The following STK33 variants were observed in gnomAD, a reference collection of about 807,000 sequenced individuals.
STK33 encodes the protein serine/threonine kinase 33.
STK33 carries 52 observed loss-of-function variants against 58.0 expected under a neutral mutation model. The ratio of observed to expected loss-of-function variants is 0.90; its 90% CI spans 0.72 to 1.13. STK33 has a LOEUF of 1.13. STK33 is among the 50% of genes most tolerant of loss of function. STK33 has a pLI of 0.00. For missense variants in STK33, 630 were observed against 604.2 expected (o/e 1.04, Z -0.45); for synonymous variants, 215 against 200.1 (o/e 1.07, Z -0.63).
At chr11:8,502,763 T>C (rs1951613089) in intron 1 of STK33, among the ~76,000 whole-genome samples, 1 of 152,024 alleles carries the variant, frequency 6.6e-6, no homozygotes. Context: ...CCAGAATCTA[T>C]AAGGAACTTA....
chr11:8,458,877 A>G (rs187887805), intron 8 of STK33, among the ~76,000 whole-genome samples: 103 of 152,316 alleles, frequency 6.8e-4, no homozygotes, highest in Non-Finnish European at 1.2e-3. Context: ...TCTGTGTTCA[A>G]TCAGTAAGTA....
chr11:8,370,050 C>T, the STK33 span, among the ~76,000 whole-genome samples: 1 of 152,234 alleles, frequency 6.6e-6, no homozygotes, highest in East Asian at 1.9e-4. Context: ...GCTCCAGCTA[C>T]ACCAATGAAG....
the STK33 span, among the ~76,000 whole-genome samples, chr11:8,338,996 C>G: frequency 2.2e-4 from 34 of 152,276 alleles, no homozygotes; most frequent in African/African-American, 7.9e-4. Flanking sequence ...CCTTAGGCCC[C>G]GGCATCACTT....
At chr11:8,516,676 G>T (rs1952816122) in intron 1 of STK33, among the ~76,000 whole-genome samples, 1 of 152,254 alleles carries the variant, frequency 6.6e-6, no homozygotes, top group South Asian at 2.1e-4. Flanking sequence ...TGGCATACCA[G>T]GAGATTATAT....
intron 1 of STK33, among the ~76,000 whole-genome samples, chr11:8,593,140 T>C (rs550834714): frequency 3.9e-5 from 6 of 152,292 alleles, no homozygotes; most frequent in South Asian, 4.1e-4. Flanking sequence ...CCCATTGAGA[T>C]AGCAACAGAG....
chr11:8,483,878 T>C (rs1443798005), intron 1 of STK33, among the ~76,000 whole-genome samples: 4 of 152,162 alleles, frequency 2.6e-5, no homozygotes, highest in Non-Finnish European at 5.9e-5. Context: ...TATTAAGTTC[T>C]TTATTTTATA....
chr11:8,397,436 G>A (rs1308856459), intron 15 of STK33, among the ~76,000 whole-genome samples: 1 of 152,142 alleles, frequency 6.6e-6, no homozygotes, highest in Middle Eastern at 3.2e-3. Flanking sequence ...AAACAGAAAG[G>A]ACATCCACAC....
At chr11:8,386,065 G>A in the STK33 span, among the ~76,000 whole-genome samples, 7 of 152,192 alleles carry the variant, frequency 4.6e-5, no homozygotes, top group South Asian at 4.1e-4. Flanking sequence ...GAGCCACCGC[G>A]CCCGGCCAAT....
intron 1 of STK33, among the ~76,000 whole-genome samples, chr11:8,519,864 CA>C (rs916075863): frequency 6.6e-6 from 1 of 151,942 alleles, no homozygotes; most frequent in African/African-American, 2.4e-5. Flanking sequence ...GCCTACCAAC[CA>C]AAAAAAGTCC....
chr11:8,413,433 A>G (rs1590857533), intron 15 of STK33, 62 bp downstream of exon 15: 4 of 1,510,154 alleles, frequency 2.6e-6, no homozygotes, highest in Non-Finnish European at 3.6e-6. Context: ...TGCAAAAAAA[A>G]TGTTCCAGGT....
chr11:8,556,527 C>G (rs1189905071), intron 1 of STK33, among the ~76,000 whole-genome samples: 1 of 152,140 alleles, frequency 6.6e-6, no homozygotes, highest in East Asian at 1.9e-4. Flanking sequence ...GCCTGGAAAT[C>G]CTTCCACCCC....
At chr11:8,535,340 T>C (rs994505869) in intron 1 of STK33, among the ~76,000 whole-genome samples, 2 of 152,098 alleles carry the variant, frequency 1.3e-5, no homozygotes, top group Non-Finnish European at 2.9e-5. Flanking sequence ...ATACTATTCA[T>C]TCAACAGGGG....
chr11:8,465,142 G>T, intron 6 of STK33: 1 of 181,450 alleles, frequency 5.5e-6, no homozygotes, highest in Non-Finnish European at 1.1e-5. Context: ...ATAAGAAAAA[G>T]GAGAAATGAT....
At chr11:8,411,576 A>G (rs187341628) in intron 15 of STK33, among the ~76,000 whole-genome samples, 385 of 152,304 alleles carry the variant, frequency 2.5e-3, no homozygotes, top group Non-Finnish European at 4.5e-3. Context: ...TCCCAAACCT[A>G]AGCATGGGAA....
chr11:8,524,010 C>A lies in STK33; in HGVS notation c.-465-43396G>T, dbSNP rs376595414. Among the ~76,000 whole-genome samples, 214 of 152,286 alleles carry A rather than the reference C, an allele frequency of 1.4e-3. 7 individuals carry two copies. The South Asian group carries it at 0.036, about 26-fold the overall frequency. On this transcript the variant is annotated intron_variant, in intron 1 of 15. Transcript: ENST00000687296. The stretch of plus-strand genomic sequence containing the variant: ...GCCTTGGGATGCTGTTAATCTATAA[C>A]CTTACCCCCAACCCAGTGCTCTCTG...
chr11:8,486,016 T>C lies in STK33; in HGVS notation c.-465-5402A>G, dbSNP rs1213418848. On this transcript the variant is annotated intron_variant, in intron 1 of 15. Transcript: ENST00000687296. Reference sequence around the variant, plus strand: ...ACTTCTCAAATCCATCAGTTTTCTCTATTCCAAATATCACAATCCTAGTCC... The same window carrying C: ...ACTTCTCAAATCCATCAGTTTTCTCCATTCCAAATATCACAATCCTAGTCC... Among the ~76,000 whole-genome samples the C allele has an allele frequency of 2.6e-5, 4 of 152,330 alleles. No individual in the cohort carries two copies. The East Asian group carries it at 7.7e-4, about 29-fold the overall frequency.
intron 1 of STK33, among the ~76,000 whole-genome samples, chr11:8,558,015 T>C (rs926497700): frequency 2.0e-5 from 3 of 152,138 alleles, no homozygotes; most frequent in Non-Finnish European, 4.4e-5. Flanking sequence ...CACAAAAATT[T>C]AACTTAGAAA....
chr11:8,539,987 G>A (rs190961777), intron 1 of STK33, among the ~76,000 whole-genome samples: 2 of 152,200 alleles, frequency 1.3e-5, no homozygotes, highest in African/African-American at 4.8e-5. Flanking sequence ...AGCCATTATG[G>A]AAAACAGTAT....
intron 2 of STK33, among the ~76,000 whole-genome samples, chr11:8,478,549 T>A (rs911853921): frequency 6.6e-6 from 1 of 152,106 alleles, no homozygotes; most frequent in Admixed American, 6.6e-5. Flanking sequence ...CATAAAAAGG[T>A]CTTTTACATA....
Sources: allele counts gnomAD v4.1 joint callset (sites outside exome capture counted in the v4.1 genomes callset), GRCh38; gene constraint gnomAD v4.1.1; transcripts MANE v1.5; gene names NCBI Gene and HGNC (gene_info 2026-07-23, HGNC 2026-07-21).